The following SYN3 variants were observed in gnomAD, a reference collection of about 807,000 sequenced individuals.
The protein encoded by SYN3 is synapsin-3.
SYN3 carries 35 observed loss-of-function variants against 65.8 expected under a neutral mutation model. The observed-to-expected ratio is 0.53, with a 90% confidence interval of 0.41 to 0.70. The LOEUF is 0.70. Ranked by LOEUF, SYN3 falls within the 30% of genes least tolerant of loss-of-function variation. SYN3 has a pLI of 0.00. For missense variants in SYN3, 680 were observed against 749.0 expected (o/e 0.91, Z 1.08); for synonymous variants, 270 against 292.9 (o/e 0.92, Z 0.80).
At position 32,801,157 on chromosome 22, in the gene SYN3, C is replaced by T. The variant is rs2145925021; in HGVS notation, c.711+63758G>A. Among the ~76,000 whole-genome samples the T allele has an allele frequency of 6.6e-6, 1 of 152,316 alleles. No homozygotes were observed. Among genetic ancestry groups the T allele is most frequent in the East Asian group, 1.9e-4 (1 of 5,172 alleles). ...AAACAGCAGATGGCTTCCCATATCC[C>T]AGAGAGTAAGAACCAGAGAGAGAGA... On this transcript the variant is annotated intron_variant, in intron 6 of 13. Coordinates refer to ENST00000358763, the MANE Select transcript of SYN3 (RefSeq NM_003490.4). The surrounding 1 kb of genome is among the most constrained non-coding windows in gnomAD (Gnocchi z 4.7).
At chr22:32,601,928 G>GCTTTT (rs200871168) in intron 6 of SYN3, among the ~76,000 whole-genome samples, 2 of 151,056 alleles carry the variant, frequency 1.3e-5, no homozygotes, top group African/African-American at 2.4e-5. Flanking sequence ...CACTCCCAGA[G>GCTTTT]CTTTTCTTTT....
At chr22:32,863,688 C>A (rs188920616) in intron 6 of SYN3, among the ~76,000 whole-genome samples, 3 of 152,282 alleles carry the variant, frequency 2.0e-5, no homozygotes, top group Middle Eastern at 3.4e-3. Context: ...CCAGGTACAG[C>A]ACTTTATATA....
At chr22:33,009,304 C>T (rs1322856194) in intron 1 of SYN3, among the ~76,000 whole-genome samples, 1 of 152,142 alleles carries the variant, frequency 6.6e-6, no homozygotes, top group Admixed American at 6.5e-5. Flanking sequence ...TTTCATCCTA[C>T]CCATTCTAGT....
At chr22:33,040,126 TA>T (rs2053936329) in intron 1 of SYN3, among the ~76,000 whole-genome samples, 1 of 151,108 alleles carries the variant, frequency 6.6e-6, no homozygotes, top group Non-Finnish European at 1.5e-5. Context: ...CACACCCAGC[TA>T]ATTTTTTTTG....
chr22:32,713,218 A>G (rs1272810688), intron 6 of SYN3, among the ~76,000 whole-genome samples: 1 of 152,222 alleles, frequency 6.6e-6, no homozygotes, highest in Non-Finnish European at 1.5e-5. Context: ...TGTATATTAA[A>G]TTAATTCAGT....
chr22:32,853,735 T>G (rs1485362750), intron 6 of SYN3, among the ~76,000 whole-genome samples: 1 of 152,238 alleles, frequency 6.6e-6, no homozygotes, highest in East Asian at 1.9e-4. Flanking sequence ...TCCTTACGAA[T>G]TTCAGTATAA....
chr22:32,709,815 A>G (rs1012046330), intron 6 of SYN3, among the ~76,000 whole-genome samples: 3 of 152,062 alleles, frequency 2.0e-5, no homozygotes, highest in African/African-American at 7.2e-5. Context: ...TGTCTCATGG[A>G]GAAGTTCCCT....
chr22:33,021,929 A>G (rs2053567758), intron 1 of SYN3, among the ~76,000 whole-genome samples: 1 of 152,170 alleles, frequency 6.6e-6, no homozygotes. Flanking sequence ...TAGAGGTTCA[A>G]TATATATTTG....
At position 32,508,411 on chromosome 22, in the gene SYN3, C is replaced by T. The variant is rs959078283; in HGVS notation, c.*5281G>A. Among the ~76,000 whole-genome samples the T allele has an allele frequency of 1.8e-4, 28 of 152,126 alleles. No individual in the cohort carries two copies. The highest frequency in any genetic ancestry group is 3.5e-4 in the Non-Finnish European group (24 of 68,042). On this transcript the variant is annotated 3_prime_UTR_variant, in exon 14 of 14. Coordinates refer to ENST00000358763, the MANE Select transcript of SYN3 (RefSeq NM_003490.4). ...CTACTCCCTTTGCTGACTCTCTTTT[C>T]GGACTCATCCGGCCTGCACCCAGGT... is the stretch of plus-strand genomic sequence containing the variant.
intron 7 of SYN3, among the ~76,000 whole-genome samples, chr22:32,544,590 G>A (rs148140659): frequency 9.9e-4 from 151 of 152,270 alleles, no homozygotes; most frequent in Middle Eastern, 3.4e-3. Context: ...TGAACTTTGG[G>A]AAATATGATT....
At position 32,869,150 on chromosome 22, in the gene SYN3, C is replaced by T. The variant is rs375704814; in HGVS notation, c.462-25G>A. On this transcript the variant is annotated intron_variant, in intron 4 of 13. Transcript: ENST00000358763. ...GCTGAGAAAGCCAACAGCAGTGTTA[C>T]CACACTGGGACATTGATGAAACACC... 4.9e-5 allele frequency: 79 copies of T among 1,605,780 alleles called. No homozygotes were observed. The African/African-American group carries it at 9.8e-4, about 20-fold the overall frequency.
chr22:32,510,107 T>G lies in SYN3; in HGVS notation c.*3585A>C, dbSNP rs1335157841. 6.6e-6 allele frequency among the ~76,000 whole-genome samples: 1 copy of G among 152,118 alleles called. No individual in the cohort carries two copies. The highest frequency in any genetic ancestry group is 2.4e-5 in the African/African-American group (1 of 41,434). On this transcript the variant is annotated 3_prime_UTR_variant, in exon 14 of 14. Transcript: ENST00000358763. ...GGGAGAATTTAGGCCATGTGGTCAT[T>G]GTTCACGGGGCCACTAGTTTCACTC...
Position 32,943,827 on chromosome 22 carries a change from G to A in SYN3, c.370-12346C>T, listed in dbSNP as rs367751888. 9.2e-5 allele frequency among the ~76,000 whole-genome samples: 14 copies of A among 152,084 alleles called. No homozygotes were observed. In the East Asian group the frequency reaches 1.4e-3, roughly 15 times the overall value. ...TCTCTGATAAAACAGACTTTAAACC[G>A]GCAAAGATCAAAAGAGACAAAGAAG... On this transcript the variant is annotated intron_variant, in intron 3 of 13. Transcript: ENST00000358763.
chr22:32,574,552 C>T lies in SYN3; in HGVS notation c.774+22122G>A, dbSNP rs989710864. On this transcript the variant is annotated intron_variant, in intron 7 of 13. Coordinates refer to ENST00000358763, the MANE Select transcript of SYN3 (RefSeq NM_003490.4). ...ACCCACGCTTGCTAGTGTTTCATAA[C>T]ATGCACCTACAGGGGCTAATGTGGT... is the stretch of plus-strand genomic sequence containing the variant. Among the ~76,000 whole-genome samples the T allele has an allele frequency of 2.0e-5, 3 of 152,338 alleles. No homozygotes were observed. The East Asian group carries it at 5.8e-4, about 29-fold the overall frequency.
At chr22:32,692,544 C>T (rs1318554443) in intron 6 of SYN3, among the ~76,000 whole-genome samples, 1 of 152,216 alleles carries the variant, frequency 6.6e-6, no homozygotes, top group Non-Finnish European at 1.5e-5. Context: ...CTGTGGGCTC[C>T]AACCACCCTG....
chr22:32,858,069 G>A (rs755439243), intron 6 of SYN3: 5 of 1,614,210 alleles, frequency 3.1e-6, no homozygotes, highest in South Asian at 1.1e-5. Flanking sequence ...TCGTGGAGAG[G>A]TGGGACCAGC....
chr22:32,754,970 A>C (rs1005961852), intron 6 of SYN3, among the ~76,000 whole-genome samples: 3 of 152,124 alleles, frequency 2.0e-5, no homozygotes, highest in Non-Finnish European at 4.4e-5. Flanking sequence ...AGGGACTTCT[A>C]ACCTCTGCTC....
At chr22:32,825,064 A>C (rs1249810149) in intron 6 of SYN3, among the ~76,000 whole-genome samples, 1 of 152,074 alleles carries the variant, frequency 6.6e-6, no homozygotes, top group Non-Finnish European at 1.5e-5. Flanking sequence ...CAGAAAAGGG[A>C]CAGGACTCAG....
intron 6 of SYN3, among the ~76,000 whole-genome samples, chr22:32,703,865 AT>A (rs2060843802): frequency 6.6e-6 from 1 of 152,166 alleles, no homozygotes; most frequent in South Asian, 2.1e-4. Context: ...TTTCAAATGC[AT>A]TTTTGATAAA....
Sources: allele counts gnomAD v4.1 joint callset (sites outside exome capture counted in the v4.1 genomes callset), GRCh38; gene constraint gnomAD v4.1.1; non-coding constraint Gnocchi (gnomAD v3.1); transcripts MANE v1.5; gene names NCBI Gene and HGNC (gene_info 2026-07-23, HGNC 2026-07-21).